The following CFAP47 variants were observed in gnomAD, a reference collection of about 807,000 sequenced individuals.
CFAP47 encodes cilia and flagella associated protein 47, also known as cilia- and flagella-associated protein 47.
CFAP47 carries 29 observed loss-of-function variants against 148.1 expected under a neutral mutation model. The ratio of observed to expected loss-of-function variants is 0.20; its 90% CI spans 0.15 to 0.27. The LOEUF is 0.27. CFAP47 is among the 10% of genes least tolerant of loss of function. CFAP47 has a pLI of 1.00. For synonymous variants in CFAP47, 664 were observed against 577.3 expected (o/e 1.15, Z -2.15); for missense variants, 1,872 against 1,697.5 (o/e 1.10, Z -1.81).
chrX:35,934,600 T>A, intron 2 of CFAP47, among the ~76,000 whole-genome samples: 1 of 110,966 alleles, frequency 9.0e-6, no homozygotes, highest in East Asian at 2.9e-4. Flanking sequence ...ACCCTTTTAC[T>A]TTTCCCTCCA....
In CFAP47 at chrX:36,104,479, G is replaced by T. The variant is rs1271165758; in HGVS notation, c.5128-20G>T. ...ATTTTTCCATTTGCATCTAATAAAA[G>T]TTATCTCTCCCAATTTCAGGTTTTG... On this transcript the variant is annotated intron_variant, in intron 32 of 63. Transcript: ENST00000378653. The T allele has an allele frequency of 4.7e-6, 3 of 633,662 alleles. No homozygotes were observed. Among genetic ancestry groups the T allele is most frequent in the Non-Finnish European group, 6.8e-6 (3 of 440,986 alleles). 52.2% of individuals were successfully genotyped at this position (633,662 alleles called of 1,213,427 possible).
intron 33 of CFAP47, among the ~76,000 whole-genome samples, chrX:36,130,817 G>A (rs1938934032): frequency 9.0e-6 from 1 of 111,227 alleles, no homozygotes; most frequent in Admixed American, 9.6e-5. Context: ...AGTGAAATAA[G>A]CCATGCACAG....
intron 45 of CFAP47, among the ~76,000 whole-genome samples, chrX:36,210,168 T>G (rs1389303086): frequency 8.9e-6 from 1 of 112,413 alleles, no homozygotes; most frequent in African/African-American, 3.2e-5. Flanking sequence ...TCAACATTTG[T>G]GTACAAGGTT....
In CFAP47 at chrX:35,966,669, G is replaced by A. The variant is rs766494113; in HGVS notation, c.1515G>A (p.Ser505=). Residue 505 remains serine, a synonymous_variant, in exon 9 of 64, where the codon TCG becomes TCA. Transcript: ENST00000378653. ...LVAEEDLQSL[S]VKSFHHVYLA... ...CAGAAGAAGATTTGCAATCTTTGTC[G>A]GTAAAATCTTTCCATCACGTATATT... The A allele has an allele frequency of 1.5e-5, 18 of 1,174,380 alleles. No individual in the cohort carries two copies. Among genetic ancestry groups the A allele is most frequent in the African/African-American group, 3.6e-5 (2 of 55,003 alleles).
At chrX:36,371,592 C>G (rs1244621863) in intron 62 of CFAP47, among the ~76,000 whole-genome samples, 1 of 84,842 alleles carries the variant, frequency 1.2e-5, no homozygotes, top group East Asian at 4.0e-4. Context: ...TATGTGTATA[C>G]ATGTGTGTAT....
chrX:35,997,629 C>T (rs1936864007), intron 19 of CFAP47, among the ~76,000 whole-genome samples: 1 of 111,209 alleles, frequency 9.0e-6, no homozygotes, highest in Non-Finnish European at 1.9e-5. Flanking sequence ...CAGAACACTA[C>T]CAGTACCATT....
At chrX:36,136,855 T>G (rs187322690) in intron 33 of CFAP47, among the ~76,000 whole-genome samples, 16 of 111,816 alleles carry the variant, frequency 1.4e-4, no homozygotes, top group African/African-American at 4.9e-4. Flanking sequence ...TATTTATAAG[T>G]TTTGATCAGG....
intron 22 of CFAP47, among the ~76,000 whole-genome samples, chrX:36,019,897 A>G (rs1302065916): frequency 9.0e-6 from 1 of 111,522 alleles, no homozygotes; most frequent in Non-Finnish European, 1.9e-5. Context: ...TTTTCATTTC[A>G]TTGATCTTTT....
chrX:36,012,729 C>A (rs1937053384), intron 21 of CFAP47, among the ~76,000 whole-genome samples: 1 of 111,491 alleles, frequency 9.0e-6, no homozygotes, highest in South Asian at 3.8e-4. Context: ...GGCTTAAAAC[C>A]TAGATGACGG....
intron 33 of CFAP47, among the ~76,000 whole-genome samples, chrX:36,128,645 G>C (rs1318046665): frequency 9.1e-6 from 1 of 109,525 alleles, no homozygotes; most frequent in Non-Finnish European, 1.9e-5. Context: ...ATTAACTATG[G>C]TATTTACTAT....
chrX:36,315,667 T>C (rs1265184858), intron 56 of CFAP47, among the ~76,000 whole-genome samples: 1 of 112,052 alleles, frequency 8.9e-6, no homozygotes, highest in African/African-American at 3.2e-5. Flanking sequence ...GCTGCCCTAG[T>C]GAGTTAATTT....
chrX:35,925,464 A>T (rs936726232), intron 1 of CFAP47, among the ~76,000 whole-genome samples: 1 of 111,920 alleles, frequency 8.9e-6, no homozygotes, highest in African/African-American at 3.2e-5. Flanking sequence ...TGTGATGGAT[A>T]TGTTAATTAG....
rs6632425 is a variant in CFAP47, at chrX:35,951,070, A to T, written c.657-61A>T. 388 of 841,344 alleles carry T rather than the reference A, an allele frequency of 4.6e-4. 9 individuals carry two copies. In the East Asian group the frequency reaches 8.4e-3, roughly 18 times the overall value. The allele number at this position is 841,344 out of a possible 1,213,427, so 69.3% of individuals were successfully genotyped here. On this transcript the variant is annotated intron_variant, in intron 4 of 63. Transcript: ENST00000378653. ...GTTTGTCGAAATGTGTGGGAGAAAA[A>T]CAAAGTATATAGAATTCTAATTAAA...
intron 40 of CFAP47, among the ~76,000 whole-genome samples, chrX:36,182,650 T>G (rs1468576387): frequency 8.9e-6 from 1 of 112,202 alleles, no homozygotes; most frequent in Non-Finnish European, 1.9e-5. Context: ...CCTCTATGAT[T>G]AATTTTCTTA....
At chrX:36,352,239 A>C (rs2146985738) in intron 59 of CFAP47, among the ~76,000 whole-genome samples, 1 of 111,330 alleles carries the variant, frequency 9.0e-6, no homozygotes, top group Admixed American at 9.6e-5. Context: ...TGATAACATT[A>C]ATTTCTGATT....
At chrX:36,099,531 T>A (rs1308161225) in intron 31 of CFAP47, among the ~76,000 whole-genome samples, 1 of 106,796 alleles carries the variant, frequency 9.4e-6, no homozygotes, top group Non-Finnish European at 1.9e-5. Context: ...TTCTGCAGAG[T>A]GATCTAGTAG....
intron 38 of CFAP47, 22 bp downstream of exon 38, chrX:36,159,598 T>C (rs1466759395): frequency 3.4e-6 from 1 of 295,064 alleles, no homozygotes; most frequent in East Asian, 4.8e-5. Flanking sequence ...TTACCTACGA[T>C]GTCTTTGCTT....
At chrX:36,103,456 G>T (rs931131125) in intron 32 of CFAP47, among the ~76,000 whole-genome samples, 6 of 87,751 alleles carry the variant, frequency 6.8e-5, no homozygotes, top group Non-Finnish European at 8.4e-5. Flanking sequence ...ATCTTCTGGC[G>T]CTCCTACCTT....
intron 53 of CFAP47, 94 bp downstream of exon 53, chrX:36,301,273 G>A (rs1408215285): frequency 6.1e-6 from 3 of 487,925 alleles, no homozygotes; most frequent in Non-Finnish European, 9.9e-6. Flanking sequence ...CTAAAATAAA[G>A]AATAAATATA....
Sources: gnomAD v4.1 joint callset for allele counts (sites outside exome capture counted in the v4.1 genomes callset) on GRCh38, gnomAD v4.1.1 for gene constraint, MANE v1.5 for transcripts, NCBI Gene and HGNC (gene_info 2026-07-23, HGNC 2026-07-21) for gene names.